PIK3CB: variants seen among roughly 807,000 people sequenced by gnomAD.
PIK3CB encodes phosphatidylinositol-4,5-bisphosphate 3-kinase catalytic subunit beta.
Under a neutral mutation model 136.8 loss-of-function variants are expected in PIK3CB, and 39 were observed. The observed-to-expected ratio is 0.29, with a 90% CI of 0.22 to 0.37. PIK3CB has a LOEUF of 0.37. Ranked by LOEUF, PIK3CB falls within the 10% of genes least tolerant of loss-of-function variation. The pLI, the probability that PIK3CB is intolerant of heterozygous loss-of-function variation, is 1.00. For synonymous variants in PIK3CB, 428 were observed against 436.6 expected (o/e 0.98, Z 0.25); for missense variants, 868 against 1,275.4 (o/e 0.68, Z 4.87).
At chr3:138,658,301 T>C (rs561608837) in intron 21 of PIK3CB, among the ~76,000 whole-genome samples, 2 of 151,838 alleles carry the variant, frequency 1.3e-5, no homozygotes, top group South Asian at 4.2e-4. Flanking sequence ...AAGGAAAAAA[T>C]TAGTCAGGCA....
intron 16 of PIK3CB, among the ~76,000 whole-genome samples, chr3:138,688,522 G>A (rs1431842095): frequency 8.8e-5 from 10 of 113,512 alleles, no homozygotes; most frequent in African/African-American, 1.6e-4. Flanking sequence ...AAAAAAAAAA[G>A]GGTGGGGCTG....
intron 8 of PIK3CB, among the ~76,000 whole-genome samples, chr3:138,728,581 T>G (rs1285266907): frequency 6.6e-6 from 1 of 151,704 alleles, no homozygotes; most frequent in Admixed American, 6.6e-5. Context: ...ATCGAGACCA[T>G]CCTGGCTAAC....
At chr3:138,702,810 A>G (rs2044283352) in intron 12 of PIK3CB, among the ~76,000 whole-genome samples, 1 of 152,110 alleles carries the variant, frequency 6.6e-6, no homozygotes, top group South Asian at 2.1e-4. Context: ...GATTGCTTCC[A>G]CTTTTATTTT....
chr3:138,716,620 GT>G (rs1291183463), intron 8 of PIK3CB, among the ~76,000 whole-genome samples: 1 of 152,138 alleles, frequency 6.6e-6, no homozygotes, highest in East Asian at 1.9e-4. Context: ...GCACAGCCAG[GT>G]GCAGTGTCTC....
chr3:138,804,897 T>C (rs991136103), intron 1 of PIK3CB, among the ~76,000 whole-genome samples: 29 of 151,844 alleles, frequency 1.9e-4, no homozygotes, highest in African/African-American at 5.1e-4. Context: ...TGGTGGTGGG[T>C]GCCTGTAGTC....
chr3:138,652,942 GCTC>G lies in PIK3CB; in HGVS notation c.*2444_*2446del, dbSNP rs1026996802. 2.8e-4 allele frequency: 61 copies of G among 216,476 alleles called. No homozygotes were observed. The highest frequency in any genetic ancestry group is 1.3e-3 in the African/African-American group (58 of 44,634). 13.4% of individuals were successfully genotyped at this position (216,476 alleles called of 1,614,324 possible). ...ACCAGTTCTCTCTGGTGATGCTGAT[GCTC>G]CTCATCAGGGGACCACACTTGGAGA... On this transcript the variant is annotated 3_prime_UTR_variant, in exon 24 of 24. Coordinates refer to ENST00000674063, the MANE Select transcript of PIK3CB (RefSeq NM_006219.3).
At chr3:138,747,928 T>C (rs528708669) in intron 4 of PIK3CB, among the ~76,000 whole-genome samples, 1 of 152,200 alleles carries the variant, frequency 6.6e-6, no homozygotes, top group African/African-American at 2.4e-5. Context: ...CAAAAACTTA[T>C]GATTATTCCA....
intron 12 of PIK3CB, among the ~76,000 whole-genome samples, chr3:138,699,730 T>C (rs551929950): frequency 6.6e-6 from 1 of 152,216 alleles, no homozygotes; most frequent in African/African-American, 2.4e-5. Flanking sequence ...TGGTCTTTAA[T>C]AGATGGATAA....
intron 2 of PIK3CB, among the ~76,000 whole-genome samples, chr3:138,759,947 A>C (rs2045639053): frequency 6.7e-6 from 1 of 150,256 alleles, no homozygotes; most frequent in African/African-American, 2.5e-5. Context: ...TTTGAGATGG[A>C]GTCTCTCTCT....
intron 2 of PIK3CB, among the ~76,000 whole-genome samples, chr3:138,784,277 T>C (rs896019243): frequency 3.3e-5 from 5 of 152,116 alleles, no homozygotes; most frequent in Non-Finnish European, 7.4e-5. Context: ...TTCCAGCTAC[T>C]TGGGAAGCTG....
Position 138,804,019 on chromosome 3 carries a change from G to A in PIK3CB, c.-121-7452C>T, listed in dbSNP as rs2046204083. Among the ~76,000 whole-genome samples, 9 of 152,034 alleles carry A rather than the reference G, an allele frequency of 5.9e-5. No individual in the cohort carries two copies. In the South Asian group the frequency reaches 1.9e-3, roughly 32 times the overall value. The stretch of plus-strand genomic sequence containing the variant: ...CCACATATTCTAGATAAGAAAATAG[G>A]TATAGAAGCAACCTGACTGACAGGC... On this transcript the variant is annotated intron_variant, in intron 1 of 23. Coordinates refer to ENST00000674063, the MANE Select transcript of PIK3CB (RefSeq NM_006219.3).
At chr3:138,812,866 T>C (rs1433134637) in intron 1 of PIK3CB, among the ~76,000 whole-genome samples, 1 of 152,188 alleles carries the variant, frequency 6.6e-6, no homozygotes, top group Non-Finnish European at 1.5e-5. Context: ...ATTGTGACTT[T>C]ACGGTGGTGG....
intron 21 of PIK3CB, among the ~76,000 whole-genome samples, chr3:138,658,163 T>C (rs1277282114): frequency 1.3e-5 from 2 of 151,782 alleles, no homozygotes; most frequent in African/African-American, 4.8e-5. Flanking sequence ...AAGAAAAGAG[T>C]ACAGGTTGGT....
At chr3:138,768,404 G>A (rs999910866) in intron 2 of PIK3CB, among the ~76,000 whole-genome samples, 19 of 152,228 alleles carry the variant, frequency 1.2e-4, no homozygotes, top group African/African-American at 4.6e-4. Flanking sequence ...TGTCTGCTCA[G>A]CTCAGGCTGA....
intron 2 of PIK3CB, among the ~76,000 whole-genome samples, chr3:138,775,168 A>G (rs1240580415): frequency 6.6e-6 from 1 of 152,244 alleles, no homozygotes; most frequent in Non-Finnish European, 1.5e-5. Context: ...TTCACTGGTT[A>G]TTCTCTCTAG....
At chr3:138,833,220 C>G (rs781263176) in intron 1 of PIK3CB, among the ~76,000 whole-genome samples, 1 of 151,854 alleles carries the variant, frequency 6.6e-6, no homozygotes, top group Non-Finnish European at 1.5e-5. Flanking sequence ...GCGCCCGCCA[C>G]CACGCCCTGC....
At chr3:138,825,645 C>T (rs1353358613) in intron 1 of PIK3CB, 2 of 637,376 alleles carry the variant, frequency 3.1e-6, no homozygotes, top group Non-Finnish European at 5.7e-6. Context: ...CTCTGGACTG[C>T]ATCCTACCAC....
At chr3:138,834,064 AGG>A (rs1934162865) in intron 1 of PIK3CB, among the ~76,000 whole-genome samples, 1 of 152,226 alleles carries the variant, frequency 6.6e-6, no homozygotes, top group African/African-American at 2.4e-5. Context: ...GCCAGCAGCC[AGG>A]AATTAGCAAT....
intron 13 of PIK3CB, among the ~76,000 whole-genome samples, chr3:138,697,774 T>C (rs1209149696): frequency 6.6e-6 from 1 of 151,912 alleles, no homozygotes; most frequent in Non-Finnish European, 1.5e-5. Context: ...TCTCACTCTA[T>C]TGCCCAGGGT....
Sources: gnomAD v4.1 joint callset for allele counts (sites outside exome capture counted in the v4.1 genomes callset) on GRCh38, gnomAD v4.1.1 for gene constraint, MANE v1.5 for transcripts, NCBI Gene and HGNC (gene_info 2026-07-23, HGNC 2026-07-21) for gene names.